Variants in CACNA1E observed in about 807,000 individuals in gnomAD.
CACNA1E encodes calcium voltage-gated channel subunit alpha1 E, also known as voltage-dependent R-type calcium channel subunit alpha-1E.
Under a neutral mutation model 259.2 loss-of-function variants are expected in CACNA1E, and 40 were observed. That is an observed-to-expected ratio of 0.15 (90% confidence interval 0.12 to 0.20). The LOEUF (loss-of-function observed/expected upper bound fraction) is 0.20. Ranked by LOEUF, CACNA1E falls within the 10% of genes least tolerant of loss-of-function variation. The probability of loss-of-function intolerance (pLI) is 1.00; values close to 1 mark genes in which losing one functional copy is unlikely to be tolerated. For synonymous variants in CACNA1E, 1,104 were observed against 1,138.5 expected, an observed-to-expected ratio of 0.97 and a Z score of 0.61; for missense variants, 1,874 against 3,040.1, an observed-to-expected ratio of 0.62 and a Z score of 9.02.
chr1:181,781,329 A>C, intron 38 of CACNA1E, 98 bp from the exon 39 acceptor site: 1 of 688,676 alleles, frequency 1.5e-6, no homozygotes, highest in South Asian at 1.6e-5. Context: ...CTCCTCTCCT[A>C]TCTGTCTGCA....
intron 2 of CACNA1E, among the ~76,000 whole-genome samples, chr1:181,434,280 G>A (rs970350926): frequency 5.3e-5 from 8 of 152,032 alleles, no homozygotes; most frequent in African/African-American, 1.9e-4. Context: ...ATCCATAAAT[G>A]TTAGTTTTAC....
intron 6 of CACNA1E, among the ~76,000 whole-genome samples, chr1:181,608,406 C>A (rs1308901598): frequency 6.6e-6 from 1 of 152,136 alleles, no homozygotes; most frequent in Non-Finnish European, 1.5e-5. Flanking sequence ...AATGACCAAA[C>A]CATGATTGTC....
intron 1 of CACNA1E, among the ~76,000 whole-genome samples, chr1:181,364,815 C>T (rs1557944454): frequency 6.6e-6 from 1 of 152,142 alleles, no homozygotes; most frequent in Non-Finnish European, 1.5e-5. Flanking sequence ...GCTTTGGATC[C>T]TCTTGGGCTC....
chr1:181,762,457 A>G (rs1658666946), intron 32 of CACNA1E, 117 bp from the exon 33 acceptor site: 2 of 680,950 alleles, frequency 2.9e-6, no homozygotes, highest in Admixed American at 2.4e-5. Context: ...GAACTTATGC[A>G]TTAATTGACA....
chr1:181,626,010 T>TG (rs1656166529), intron 6 of CACNA1E, among the ~76,000 whole-genome samples: 1 of 152,072 alleles, frequency 6.6e-6, no homozygotes, highest in South Asian at 2.1e-4. Context: ...GGGACAGAAA[T>TG]GGGGGAATGA....
intron 7 of CACNA1E, among the ~76,000 whole-genome samples, chr1:181,698,333 C>T (rs187453870): frequency 1.3e-5 from 2 of 152,296 alleles, no homozygotes; most frequent in Admixed American, 1.3e-4. Flanking sequence ...GAGAGCAGCT[C>T]CTTAGGAATT....
chr1:181,548,972 G>A (rs557438084), intron 3 of CACNA1E, among the ~76,000 whole-genome samples: 57 of 152,294 alleles, frequency 3.7e-4, no homozygotes, highest in Non-Finnish European at 5.1e-4. Flanking sequence ...CCCCGAAACT[G>A]AGATGGTCTG....
At chr1:181,481,335 TACACACACACACAC>T (rs113766656), upstream of CACNA1E, among the ~76,000 whole-genome samples, 31 of 145,508 alleles carry the variant, frequency 2.1e-4, no homozygotes, top group Admixed American at 1.0e-3. Flanking sequence ...AGAATTTTCC[TACACACACACACAC>T]ACACACACAC....
intron 35 of CACNA1E, among the ~76,000 whole-genome samples, chr1:181,770,906 G>A (rs1659446303): frequency 6.6e-6 from 1 of 152,288 alleles, no homozygotes; most frequent in Non-Finnish European, 1.5e-5. Context: ...GAAGAGAGGG[G>A]TAGCTCCTTC....
chr1:181,607,501 G>A (rs1474732997), intron 6 of CACNA1E, among the ~76,000 whole-genome samples: 5 of 152,152 alleles, frequency 3.3e-5, no homozygotes, highest in East Asian at 1.9e-4. Flanking sequence ...CGATCCCAGC[G>A]TGTGCGGTAG....
At chr1:181,401,943 A>G (rs778115200) in intron 1 of CACNA1E, among the ~76,000 whole-genome samples, 14 of 152,198 alleles carry the variant, frequency 9.2e-5, no homozygotes, top group Non-Finnish European at 1.6e-4. Flanking sequence ...TTCATCTCCA[A>G]TGAAGAGCCT....
intron 1 of CACNA1E, among the ~76,000 whole-genome samples, chr1:181,357,706 G>T (rs995753343): frequency 1.3e-5 from 2 of 152,074 alleles, no homozygotes; most frequent in Non-Finnish European, 2.9e-5. Flanking sequence ...AAGGGTATTT[G>T]GTTTTTCTTG....
At chr1:181,614,427 C>T (rs1322617613) in intron 6 of CACNA1E, among the ~76,000 whole-genome samples, 2 of 152,224 alleles carry the variant, frequency 1.3e-5, no homozygotes, top group Non-Finnish European at 2.9e-5. Flanking sequence ...TACAGTATTG[C>T]TCTAAACACA....
chr1:181,487,955 A>G (rs1371948357), intron 1 of CACNA1E, among the ~76,000 whole-genome samples: 1 of 152,230 alleles, frequency 6.6e-6, no homozygotes, highest in Non-Finnish European at 1.5e-5. Flanking sequence ...AGGAAGGTCA[A>G]ATATGTTTGC....
intron 2 of CACNA1E, among the ~76,000 whole-genome samples, chr1:181,425,590 G>T (rs1243410472): frequency 7.9e-6 from 1 of 126,314 alleles, no homozygotes; most frequent in South Asian, 2.4e-4. Context: ...CCGATGAAAA[G>T]ACCTTTAAAA....
intron 6 of CACNA1E, among the ~76,000 whole-genome samples, chr1:181,639,091 C>A (rs1350874100): frequency 1.3e-5 from 2 of 151,300 alleles, no homozygotes; most frequent in South Asian, 2.1e-4. Flanking sequence ...AGAGTAGATG[C>A]CTTTTTTTTT....
chr1:181,387,953 C>T lies in CACNA1E; in HGVS notation c.-14-25180C>T, dbSNP rs185376179. Among the ~76,000 whole-genome samples, 5 of 152,304 alleles carry T rather than the reference C, an allele frequency of 3.3e-5. No individual in the cohort carries two copies. In the East Asian group the frequency reaches 9.6e-4, roughly 29 times the overall value. On this transcript the variant is annotated intron_variant, in intron 1 of 11. Transcript: ENST00000524607. ...GTAGTGTTCACTCCTGGGTCCCAAC[C>T]TTCCCCCTTGGGACCCTATAAAGCA... is the stretch of plus-strand genomic sequence containing the variant.
At chr1:181,627,307 A>G (rs1406517454) in intron 6 of CACNA1E, among the ~76,000 whole-genome samples, 1 of 152,222 alleles carries the variant, frequency 6.6e-6, no homozygotes, top group Non-Finnish European at 1.5e-5. Flanking sequence ...ACAGAAGGGA[A>G]AGCTATTGAA....
chr1:181,472,302 C>A (rs765267801), intron 2 of CACNA1E, among the ~76,000 whole-genome samples: 2 of 152,066 alleles, frequency 1.3e-5, no homozygotes, highest in Non-Finnish European at 2.9e-5. Flanking sequence ...GTCTAGAGAT[C>A]TAATGTGGGG....
Sources: gnomAD v4.1 joint callset for allele counts (sites outside exome capture counted in the v4.1 genomes callset) on GRCh38, gnomAD v4.1.1 for gene constraint, MANE v1.5 for transcripts, NCBI Gene and HGNC (gene_info 2026-07-23, HGNC 2026-07-21) for gene names.